FGF12: variants seen among roughly 807,000 people sequenced by gnomAD.
FGF12 encodes the protein fibroblast growth factor 12.
In FGF12, 14 loss-of-function variants were observed where a neutral mutation model predicts 23.6. The observed-to-expected ratio is 0.59, with a 90% CI of 0.39 to 0.93. The LOEUF (loss-of-function observed/expected upper bound fraction) is 0.93. Among genes scored for constraint, FGF12 ranks in the 40% least tolerant of loss-of-function variants. The pLI, the probability that FGF12 is intolerant of heterozygous loss-of-function variation, is 0.00. For synonymous variants in FGF12, 62 were observed against 77.3 expected, an observed-to-expected ratio of 0.80 and a Z score of 1.04; for missense variants, 175 against 217.8, an observed-to-expected ratio of 0.80 and a Z score of 1.24.
intron 2 of FGF12, among the ~76,000 whole-genome samples, chr3:192,653,821 T>G (rs955756489): frequency 3.3e-5 from 5 of 151,950 alleles, no homozygotes; most frequent in Non-Finnish European, 2.9e-5. Context: ...TTCAAGTGAT[T>G]CTCCTGCCTC....
intron 2 of FGF12, among the ~76,000 whole-genome samples, chr3:192,505,977 G>T (rs1172958284): frequency 6.6e-6 from 1 of 152,210 alleles, no homozygotes; most frequent in Non-Finnish European, 1.5e-5. Context: ...TCTGATGCAT[G>T]CATACTGAAC....
chr3:192,487,734 A>G (rs1197508363), intron 2 of FGF12, among the ~76,000 whole-genome samples: 1 of 152,150 alleles, frequency 6.6e-6, no homozygotes. Context: ...TCTTGGGTTG[A>G]GATTAACTGA....
rs145627099 is a variant in FGF12 at position 192,297,782 on chromosome 3, A to G, written c.228+37579T>C. On this transcript the variant is annotated intron_variant, in intron 4 of 5. Coordinates refer to ENST00000445105, the MANE Select transcript of FGF12 (RefSeq NM_004113.6). ...TTGAAATAGAATCTCTAACATCCCC[A>G]AAGTTAGCAGTGCTGTTTTGATATG... is the stretch of plus-strand genomic sequence containing the variant. Among the ~76,000 whole-genome samples, 185 of 152,314 alleles carry G rather than the reference A, an allele frequency of 1.2e-3. 1 individual carries two copies. Among genetic ancestry groups the G allele is most frequent in the African/African-American group, 4.3e-3 (177 of 41,576 alleles).
At chr3:192,331,280 T>C (rs1228581551) in intron 4 of FGF12, among the ~76,000 whole-genome samples, 1 of 139,380 alleles carries the variant, frequency 7.2e-6, no homozygotes, top group Non-Finnish European at 1.5e-5. Context: ...AAAATGATGC[T>C]GCTGATAGGG....
chr3:192,281,714 GATTAGGGGTAATCCTCTGAGTACAGTGC>G (rs1489586138), intron 4 of FGF12, among the ~76,000 whole-genome samples: 8 of 152,114 alleles, frequency 5.3e-5, no homozygotes, highest in Non-Finnish European at 1.0e-4. Context: ...GAGGTGAAAG[GATTAGGGGTAATCCTCTGAGTACAGTGC>G]ATCCAGGGCT....
At chr3:192,351,761 A>G (rs986259196) in intron 3 of FGF12, among the ~76,000 whole-genome samples, 2 of 152,218 alleles carry the variant, frequency 1.3e-5, no homozygotes, top group Non-Finnish European at 2.9e-5. Context: ...TGACTTGCGC[A>G]GCTGTAAACA....
At position 192,354,458 on chromosome 3, in the gene FGF12, G is replaced by C. The variant is rs1448712758; in HGVS notation, c.124+5970C>G. ...AATAAACAAAAAAGAATAAAGCATG[G>C]CAAAAAAAAATATCGGAGGCAACAG... On this transcript the variant is annotated intron_variant, in intron 3 of 5. Coordinates refer to ENST00000445105, the MANE Select transcript of FGF12 (RefSeq NM_004113.6). Among the ~76,000 whole-genome samples the C allele has an allele frequency of 2.7e-5, 4 of 147,616 alleles. No individual in the cohort carries two copies. The East Asian group carries it at 5.8e-4, about 21-fold the overall frequency.
intron 4 of FGF12, among the ~76,000 whole-genome samples, chr3:192,305,755 T>G (rs755994070): frequency 6.7e-6 from 1 of 149,010 alleles, no homozygotes; most frequent in Non-Finnish European, 1.5e-5. Flanking sequence ...GAGTCTTAGT[T>G]TTTGTGTCGG....
At chr3:192,447,282 G>T (rs1722382229) in intron 2 of FGF12, among the ~76,000 whole-genome samples, 1 of 152,264 alleles carries the variant, frequency 6.6e-6, no homozygotes, top group East Asian at 1.9e-4. Flanking sequence ...TGTAGAAGGA[G>T]GGAGAATCCA....
At chr3:192,164,616 A>C (rs1715058169) in intron 5 of FGF12, among the ~76,000 whole-genome samples, 1 of 152,148 alleles carries the variant, frequency 6.6e-6, no homozygotes, top group Non-Finnish European at 1.5e-5. Context: ...GCAGGAAAAA[A>C]CAAAAGAACA....
intron 4 of FGF12, among the ~76,000 whole-genome samples, chr3:192,240,704 T>C (rs1439930084): frequency 2.0e-5 from 3 of 152,328 alleles, no homozygotes; most frequent in South Asian, 4.1e-4. Flanking sequence ...TTAAATCCTA[T>C]AAATATCTTG....
At chr3:192,639,083 A>C (rs183687637) in intron 2 of FGF12, among the ~76,000 whole-genome samples, 9 of 152,372 alleles carry the variant, frequency 5.9e-5, no homozygotes, top group Admixed American at 5.9e-4. Flanking sequence ...AGATTTATAA[A>C]GAACTCATAC....
chr3:192,519,032 T>G (rs1439045298), intron 2 of FGF12, among the ~76,000 whole-genome samples: 1 of 152,120 alleles, frequency 6.6e-6, no homozygotes, highest in Non-Finnish European at 1.5e-5. Flanking sequence ...TACATACCAT[T>G]TACCCAATTT....
intron 4 of FGF12, among the ~76,000 whole-genome samples, chr3:192,284,414 T>C (rs1236209216): frequency 6.6e-6 from 1 of 152,074 alleles, no homozygotes; most frequent in Non-Finnish European, 1.5e-5. Context: ...GTCCTTCAAA[T>C]AATCTTTACA....
intron 2 of FGF12, among the ~76,000 whole-genome samples, chr3:192,723,874 A>AGAG (rs1553849493): frequency 7.6e-6 from 1 of 130,946 alleles, no homozygotes; most frequent in African/African-American, 2.8e-5. Context: ...AGAGAGAGAG[A>AGAG]GAGAGGAGAG....
rs554733029 is a variant in FGF12 at position 192,141,226 on chromosome 3, G to A, written c.*2783C>T. ...AGAAATCAGAACAATGAAAATCAAA[G>A]AATTATTATACTTGAAATAAGCCTG... On this transcript the variant is annotated 3_prime_UTR_variant, in exon 6 of 6. Coordinates refer to ENST00000445105, the MANE Select transcript of FGF12 (RefSeq NM_004113.6). The A allele has an allele frequency of 7.7e-6, 1 of 129,342 alleles. No individual in the cohort carries two copies. Among genetic ancestry groups the A allele is most frequent in the East Asian group, 2.4e-4 (1 of 4,210 alleles). 8.0% of individuals were successfully genotyped at this position (129,342 alleles called of 1,614,324 possible).
intron 2 of FGF12, among the ~76,000 whole-genome samples, chr3:192,449,223 T>G (rs1722450383): frequency 6.6e-6 from 1 of 152,184 alleles, no homozygotes; most frequent in South Asian, 2.1e-4. Context: ...TATTAAGCTT[T>G]GTCACTAGAG....
intron 2 of FGF12, among the ~76,000 whole-genome samples, chr3:192,721,003 T>C (rs1719022650): frequency 6.6e-6 from 1 of 152,160 alleles, no homozygotes; most frequent in Non-Finnish European, 1.5e-5. Flanking sequence ...CCCAAACCCA[T>C]AAGATGTAGA....
intron 4 of FGF12, among the ~76,000 whole-genome samples, chr3:192,282,378 C>G (rs1052203140): frequency 6.6e-6 from 1 of 151,984 alleles, no homozygotes; most frequent in African/African-American, 2.4e-5. Flanking sequence ...ACAACATGCC[C>G]CCTTATTACT....
Sources: gnomAD v4.1 joint callset for allele counts (sites outside exome capture counted in the v4.1 genomes callset) on GRCh38, gnomAD v4.1.1 for gene constraint, MANE v1.5 for transcripts, NCBI Gene and HGNC (gene_info 2026-07-23, HGNC 2026-07-21) for gene names.